Variants in RAB27A observed in about 807,000 individuals in gnomAD.
RAB27A encodes the protein RAB27A, member RAS oncogene family, also known as ras-related protein Rab-27A.
Under a neutral mutation model 20.8 loss-of-function variants are expected in RAB27A, and 17 were observed. The observed-to-expected ratio is 0.82, with a 90% CI of 0.56 to 1.23. RAB27A has a LOEUF of 1.23. RAB27A is among the 50% of genes most tolerant of loss of function. RAB27A has a pLI of 0.00. For synonymous variants in RAB27A, 85 were observed against 92.8 expected, an observed-to-expected ratio of 0.92 and a Z score of 0.48; for missense variants, 277 against 266.7, an observed-to-expected ratio of 1.04 and a Z score of -0.27.
Position 55,256,257 on chromosome 15 carries a change from T to G in RAB27A, c.-23+13908A>C, listed in dbSNP as rs1188274361. Among the ~76,000 whole-genome samples the G allele has an allele frequency of 2.6e-5, 4 of 151,728 alleles. No homozygotes were observed. In the South Asian group the frequency reaches 6.2e-4, roughly 24 times the overall value. On this transcript the variant is annotated intron_variant, in intron 2 of 6. Transcript: ENST00000336787. ...TAATGAGATGCTGTTGTACAAAAAT[T>G]TTTTTAATTAGCAAGGTGAGGTGGC...
At chr15:55,240,249 A>C (rs188306353) in intron 2 of RAB27A, among the ~76,000 whole-genome samples, 2 of 152,292 alleles carry the variant, frequency 1.3e-5, no homozygotes, top group East Asian at 3.9e-4. Flanking sequence ...GTAAACAGTG[A>C]GAACACACAG....
intron 2 of RAB27A, among the ~76,000 whole-genome samples, chr15:55,254,770 T>C (rs561882546): frequency 2.6e-5 from 4 of 152,360 alleles, no homozygotes; most frequent in African/African-American, 9.6e-5. Flanking sequence ...TTTACATTTC[T>C]TTCAGGCACA....
intron 6 of RAB27A, among the ~76,000 whole-genome samples, chr15:55,212,477 T>C (rs141018024): frequency 7.8e-4 from 118 of 152,090 alleles, no homozygotes; most frequent in African/African-American, 2.7e-3. Context: ...TTCTGGACCA[T>C]ACACTTGAAG....
intron 2 of RAB27A, among the ~76,000 whole-genome samples, chr15:55,236,751 G>T (rs1220758514): frequency 1.3e-5 from 2 of 151,966 alleles, no homozygotes; most frequent in Non-Finnish European, 2.9e-5. Context: ...TTTTTATGGG[G>T]TACATGTAAT....
chr15:55,219,270 G>A (rs751111939), intron 6 of RAB27A, among the ~76,000 whole-genome samples: 17 of 151,984 alleles, frequency 1.1e-4, no homozygotes, highest in Non-Finnish European at 2.2e-4. Context: ...AATTAACTGG[G>A]TGAGAAAAAA....
intron 2 of RAB27A, among the ~76,000 whole-genome samples, chr15:55,299,370 A>G (rs539039565): frequency 6.6e-6 from 1 of 152,242 alleles, no homozygotes; most frequent in African/African-American, 2.4e-5. Context: ...AAGGTGGGTG[A>G]ATCACCTGAG....
At chr15:55,206,384 C>CT (rs1403349012) in intron 6 of RAB27A, 3 of 398,368 alleles carry the variant, frequency 7.5e-6, no homozygotes, top group African/African-American at 6.5e-5. Flanking sequence ...GACAGAGTCT[C>CT]TATCACCCAG....
At chr15:55,216,992 T>C (rs900313268) in intron 6 of RAB27A, among the ~76,000 whole-genome samples, 1 of 152,188 alleles carries the variant, frequency 6.6e-6, no homozygotes, top group Non-Finnish European at 1.5e-5. Context: ...ATTGGTATAA[T>C]TTCAAGGTAT....
intron 2 of RAB27A, among the ~76,000 whole-genome samples, chr15:55,261,104 C>T (rs1296573330): frequency 6.6e-6 from 1 of 152,084 alleles, no homozygotes; most frequent in Non-Finnish European, 1.5e-5. Context: ...GCTCTAAAAA[C>T]TAAAACTCGG....
At chr15:55,228,378 T>C (rs891580638) in intron 5 of RAB27A, among the ~76,000 whole-genome samples, 2 of 152,238 alleles carry the variant, frequency 1.3e-5, no homozygotes, top group Non-Finnish European at 2.9e-5. Flanking sequence ...CATAAAGTGC[T>C]GCCTTGCACC....
intron 2 of RAB27A, among the ~76,000 whole-genome samples, chr15:55,302,912 G>T (rs1200534212): frequency 7.2e-6 from 1 of 139,354 alleles, no homozygotes; most frequent in Non-Finnish European, 1.5e-5. Flanking sequence ...GAGCCTCTCC[G>T]CCCGGCAGCC....
At chr15:55,218,663 C>T (rs1050578209) in intron 6 of RAB27A, among the ~76,000 whole-genome samples, 2 of 151,926 alleles carry the variant, frequency 1.3e-5, no homozygotes, top group African/African-American at 4.8e-5. Flanking sequence ...GCAGGGAGAA[C>T]ATCATCTTAA....
At chr15:55,307,641 C>A (rs2055003540) in intron 2 of RAB27A, among the ~76,000 whole-genome samples, 1 of 151,614 alleles carries the variant, frequency 6.6e-6, no homozygotes, top group Non-Finnish European at 1.5e-5. Context: ...ACTTTTCTGT[C>A]CTACAGGGGA....
At chr15:55,284,461 C>G (rs1372430640) in intron 1 of RAB27A, among the ~76,000 whole-genome samples, 1 of 151,964 alleles carries the variant, frequency 6.6e-6, no homozygotes, top group African/African-American at 2.4e-5. Flanking sequence ...AAAGTGTTAA[C>G]AAAACCATAA....
At chr15:55,301,196 G>T (rs112829154) in intron 2 of RAB27A, among the ~76,000 whole-genome samples, 11 of 152,190 alleles carry the variant, frequency 7.2e-5, no homozygotes, top group Non-Finnish European at 1.3e-4. Flanking sequence ...GGGCTCAAGC[G>T]ATTCTCCTGC....
intron 2 of RAB27A, among the ~76,000 whole-genome samples, chr15:55,250,818 A>G (rs1595716238): frequency 1.3e-5 from 2 of 152,234 alleles, no homozygotes; most frequent in East Asian, 3.8e-4. Flanking sequence ...CAAACCTTTC[A>G]TTGCCTCAGA....
chr15:55,230,611 C>G (rs1336569764), intron 3 of RAB27A, 125 bp from the exon 4 acceptor site: 2 of 713,590 alleles, frequency 2.8e-6, no homozygotes, highest in South Asian at 1.6e-5. Context: ...ATCTGGAATA[C>G]AACCATGTTT....
At chr15:55,295,560 C>A (rs1251945804) in intron 2 of RAB27A, among the ~76,000 whole-genome samples, 1 of 152,134 alleles carries the variant, frequency 6.6e-6, no homozygotes, top group Non-Finnish European at 1.5e-5. Flanking sequence ...GGATGAACTT[C>A]AAAAACATTA....
intron 6 of RAB27A, among the ~76,000 whole-genome samples, chr15:55,210,835 T>C (rs1894992192): frequency 6.6e-6 from 1 of 152,174 alleles, no homozygotes; most frequent in Non-Finnish European, 1.5e-5. Context: ...AAAAAGTTTT[T>C]GTCCAGACGA....
Sources: gnomAD v4.1 joint callset for allele counts (sites outside exome capture counted in the v4.1 genomes callset) on GRCh38, gnomAD v4.1.1 for gene constraint, MANE v1.5 for transcripts, NCBI Gene and HGNC (gene_info 2026-07-23, HGNC 2026-07-21) for gene names.